The following MACROD2 variants were observed in gnomAD, a reference collection of about 807,000 sequenced individuals.
MACROD2 encodes mono-ADP ribosylhydrolase 2, also known as ADP-ribose glycohydrolase MACROD2.
In MACROD2, 36 loss-of-function variants were observed where a neutral mutation model predicts 70.4. That is an observed-to-expected ratio of 0.51 (90% confidence interval 0.39 to 0.68). The LOEUF is 0.68. MACROD2 is among the 30% of genes least tolerant of loss of function. The pLI is 0.00. For missense variants in MACROD2, 496 were observed against 538.4 expected, an observed-to-expected ratio of 0.92 and a Z score of 0.78; for synonymous variants, 172 against 178.8, an observed-to-expected ratio of 0.96 and a Z score of 0.30.
intron 8 of MACROD2, among the ~76,000 whole-genome samples, chr20:15,842,448 C>T (rs1442936982): frequency 7.0e-6 from 1 of 143,402 alleles, no homozygotes; most frequent in African/African-American, 2.6e-5. Flanking sequence ...AATCCCGAGA[C>T]CTTTCATCCT....
At chr20:15,051,156 T>C (rs1027528465) in intron 5 of MACROD2, among the ~76,000 whole-genome samples, 3 of 152,198 alleles carry the variant, frequency 2.0e-5, no homozygotes, top group African/African-American at 7.2e-5. Context: ...ATTTAATCTG[T>C]TTAGTTAGGG....
intron 8 of MACROD2, among the ~76,000 whole-genome samples, chr20:15,640,005 AAG>A (rs1437924887): frequency 6.8e-6 from 1 of 147,424 alleles, no homozygotes; most frequent in Non-Finnish European, 1.5e-5. Context: ...AGGAGAGAGA[AAG>A]GGGATGATAG....
intron 8 of MACROD2, among the ~76,000 whole-genome samples, chr20:15,824,812 A>G (rs1218025906): frequency 6.6e-6 from 1 of 152,214 alleles, no homozygotes; most frequent in Non-Finnish European, 1.5e-5. Flanking sequence ...CTGTGTGAGG[A>G]CTTAATTCAC....
At chr20:15,099,840 T>G (rs2075858894) in intron 5 of MACROD2, among the ~76,000 whole-genome samples, 1 of 151,790 alleles carries the variant, frequency 6.6e-6, no homozygotes, top group African/African-American at 2.4e-5. Flanking sequence ...ACTAACAGAA[T>G]GTTGATAGAA....
chr20:14,691,115 G>T lies in MACROD2; in HGVS notation c.418+6156G>T, dbSNP rs187135356. Among the ~76,000 whole-genome samples the T allele has an allele frequency of 4.6e-5, 7 of 152,076 alleles. No homozygotes were observed. In the East Asian group the frequency reaches 1.4e-3, roughly 30 times the overall value. On this transcript the variant is annotated intron_variant, in intron 5 of 17. Transcript: ENST00000684519. ...GTATGTTTACTAGAGCTGGGGTTTC[G>T]CCATGTTGGCCAGGCTGGTCTCAAA...
At chr20:14,624,692 C>A (rs1224563613) in intron 4 of MACROD2, among the ~76,000 whole-genome samples, 1 of 152,148 alleles carries the variant, frequency 6.6e-6, no homozygotes, top group Non-Finnish European at 1.5e-5. Flanking sequence ...GCAGGTGGCC[C>A]CTTTCCACAT....
chr20:15,680,787 A>T (rs2050149671), intron 8 of MACROD2, among the ~76,000 whole-genome samples: 1 of 152,214 alleles, frequency 6.6e-6, no homozygotes. Flanking sequence ...GACTAGGGAG[A>T]TAAGATGAGT....
chr20:14,042,914 G>A (rs958211696), intron 2 of MACROD2, among the ~76,000 whole-genome samples: 1 of 146,570 alleles, frequency 6.8e-6, no homozygotes, highest in Non-Finnish European at 1.5e-5. Flanking sequence ...AACCCAGGTG[G>A]TGGGTTTTTT....
chr20:15,452,685 C>T (rs954624692), intron 7 of MACROD2, among the ~76,000 whole-genome samples: 1 of 152,130 alleles, frequency 6.6e-6, no homozygotes, highest in African/African-American at 2.4e-5. Context: ...GTGGCATTCA[C>T]GGCTCTGCCA....
At chr20:15,919,721 C>T (rs749544562) in intron 10 of MACROD2, among the ~76,000 whole-genome samples, 29 of 151,506 alleles carry the variant, frequency 1.9e-4, no homozygotes, top group Admixed American at 3.3e-4. Context: ...GATGACAGTA[C>T]GAGACTCCAT....
chr20:15,008,223 G>A (rs967668524), intron 5 of MACROD2, among the ~76,000 whole-genome samples: 1 of 152,098 alleles, frequency 6.6e-6, no homozygotes. Flanking sequence ...GCTCACATCT[G>A]TAATCCCAGC....
intron 5 of MACROD2, among the ~76,000 whole-genome samples, chr20:14,987,357 G>A (rs2031347): frequency 0.021 from 3,235 of 152,182 alleles, 66 homozygotes; most frequent in Admixed American, 0.047. Context: ...CAACTAGTAA[G>A]CATTCAAAAT....
intron 3 of MACROD2, among the ~76,000 whole-genome samples, chr20:14,230,991 C>CTT (rs897655362): frequency 7.0e-6 from 1 of 142,428 alleles, no homozygotes; most frequent in Non-Finnish European, 1.5e-5. Flanking sequence ...TGAAAGGAAT[C>CTT]TTTTTTTTTT....
chr20:14,132,534 A>C (rs2054731569), intron 3 of MACROD2, among the ~76,000 whole-genome samples: 1 of 152,236 alleles, frequency 6.6e-6, no homozygotes, highest in Non-Finnish European at 1.5e-5. Flanking sequence ...TTGAAAGATA[A>C]ATTCCAACTA....
rs67656339 is a variant in MACROD2, at chr20:15,710,194, CAAA to C, written c.646-152534_646-152532del. Among the ~76,000 whole-genome samples, 850 of 102,640 alleles carry C rather than the reference CAAA, an allele frequency of 8.3e-3. 5 individuals carry two copies. The highest frequency in any genetic ancestry group is 0.029 in the African/African-American group (786 of 26,764). 67.3% of individuals were successfully genotyped at this position (102,640 alleles called of 152,430 possible). On this transcript the variant is annotated intron_variant, in intron 8 of 17. Transcript: ENST00000684519. ...GTTAGAATGGCTATTATCAAAAAGA[CAAA>C]AAAAAAAAAAAAAAAACAATTGCGG...
chr20:14,358,621 T>G (rs1826526257), intron 3 of MACROD2, among the ~76,000 whole-genome samples: 1 of 152,074 alleles, frequency 6.6e-6, no homozygotes, highest in Non-Finnish European at 1.5e-5. Context: ...CACGTCTGGC[T>G]AATTTTTTGT....
At chr20:14,875,758 T>C (rs982778889) in intron 5 of MACROD2, among the ~76,000 whole-genome samples, 6 of 152,158 alleles carry the variant, frequency 3.9e-5, no homozygotes, top group African/African-American at 7.2e-5. Context: ...GTTCTTGTGT[T>C]CATTCACTTA....
intron 8 of MACROD2, among the ~76,000 whole-genome samples, chr20:15,861,295 G>A (rs2064421120): frequency 2.6e-5 from 4 of 152,178 alleles, no homozygotes; most frequent in Admixed American, 1.3e-4. Context: ...ACATAAACAT[G>A]CCATACAGAG....
At chr20:15,022,972 T>A (rs1568536234) in intron 5 of MACROD2, 1 of 152,112 alleles carries the variant, frequency 6.6e-6, no homozygotes, top group Non-Finnish European at 1.5e-5. Context: ...TATATATATA[T>A]GCATATATGT....
Sources: gnomAD v4.1 joint callset for allele counts (sites outside exome capture counted in the v4.1 genomes callset) on GRCh38, gnomAD v4.1.1 for gene constraint, MANE v1.5 for transcripts, NCBI Gene and HGNC (gene_info 2026-07-23, HGNC 2026-07-21) for gene names.